Variants in ARHGAP24 observed in about 807,000 individuals in gnomAD.
ARHGAP24 encodes the protein Rho GTPase activating protein 24.
ARHGAP24 carries 50 observed loss-of-function variants against 76.4 expected under a neutral mutation model. That is an observed-to-expected ratio of 0.65 (90% CI 0.52 to 0.83). The LOEUF is 0.83. Among genes scored for constraint, ARHGAP24 ranks in the 40% least tolerant of loss-of-function variants. The pLI is 0.00. For missense variants in ARHGAP24, 930 were observed against 914.2 expected (o/e 1.02, Z -0.22); for synonymous variants, 345 against 323.3 (o/e 1.07, Z -0.72).
In ARHGAP24 at chr4:85,942,000, A is replaced by T. The variant is rs148081900; in HGVS notation, c.392-66A>T. On this transcript the variant is annotated intron_variant, in intron 4 of 9. Coordinates refer to ENST00000395184, the MANE Select transcript of ARHGAP24 (RefSeq NM_001025616.3). ...TGTTTTTCTGTTATATTGAATTAAA[A>T]CAACAACAACAACAAAGTGGGAAGA... is the stretch of plus-strand genomic sequence containing the variant. The T allele has an allele frequency of 2.6e-4, 385 of 1,471,812 alleles. 1 individual carries two copies. The East Asian group carries it at 8.4e-3, about 32-fold the overall frequency. 91.2% of individuals were successfully genotyped at this position (1,471,812 alleles called of 1,614,324 possible).
At chr4:85,845,752 A>C (rs999618538) in intron 3 of ARHGAP24, among the ~76,000 whole-genome samples, 1 of 152,206 alleles carries the variant, frequency 6.6e-6, no homozygotes, top group African/African-American at 2.4e-5. Context: ...GTTAAAAATA[A>C]AGTAAAATAA....
intron 3 of ARHGAP24, among the ~76,000 whole-genome samples, chr4:85,887,810 G>A (rs10032626): frequency 0.52 from 78,731 of 151,888 alleles, 21,238 homozygotes; most frequent in East Asian, 0.69. Flanking sequence ...GACAAGTGAG[G>A]TCATAGGTAA....
At chr4:85,764,884 C>T (rs1035010106) in intron 3 of ARHGAP24, among the ~76,000 whole-genome samples, 2 of 152,004 alleles carry the variant, frequency 1.3e-5, no homozygotes, top group Non-Finnish European at 2.9e-5. Flanking sequence ...ACTAATTCTG[C>T]CTGTGTTTAT....
intron 7 of ARHGAP24, chr4:85,975,784 G>A (rs903684231): frequency 9.8e-5 from 15 of 152,328 alleles, no homozygotes; most frequent in African/African-American, 3.4e-4. Context: ...CATCATTTAT[G>A]TGTGTGTTTG....
intron 3 of ARHGAP24, among the ~76,000 whole-genome samples, chr4:85,847,898 G>A (rs1730976433): frequency 6.6e-6 from 1 of 152,062 alleles, no homozygotes. Flanking sequence ...ATCTCATCCA[G>A]TAATGCATCC....
intron 3 of ARHGAP24, among the ~76,000 whole-genome samples, chr4:85,847,669 A>G (rs1022113337): frequency 1.3e-5 from 2 of 152,156 alleles, no homozygotes; most frequent in Admixed American, 6.5e-5. Flanking sequence ...GTCCTATTTG[A>G]GGAACTGCAA....
intron 3 of ARHGAP24, among the ~76,000 whole-genome samples, chr4:85,904,407 T>A (rs556338512): frequency 4.6e-4 from 70 of 152,338 alleles, no homozygotes; most frequent in Non-Finnish European, 9.4e-4. Context: ...TTGTCAGATA[T>A]CTGCGCCCAT....
chr4:85,835,672 C>A (rs1730243512), intron 3 of ARHGAP24, among the ~76,000 whole-genome samples: 1 of 151,506 alleles, frequency 6.6e-6, no homozygotes, highest in African/African-American at 2.4e-5. Context: ...AATGTGATAA[C>A]GATTTGTATT....
intron 4 of ARHGAP24, among the ~76,000 whole-genome samples, chr4:85,925,768 T>C (rs1735987634): frequency 6.6e-6 from 1 of 152,196 alleles, no homozygotes; most frequent in African/African-American, 2.4e-5. Flanking sequence ...TTATCCCCTA[T>C]GGATGAGTGG....
At chr4:85,504,305 T>C (rs1560511748) in intron 1 of ARHGAP24, among the ~76,000 whole-genome samples, 1 of 152,178 alleles carries the variant, frequency 6.6e-6, no homozygotes, top group Non-Finnish European at 1.5e-5. Context: ...CTGTCTAATA[T>C]CGACAGTGGG....
intron 4 of ARHGAP24, among the ~76,000 whole-genome samples, chr4:85,939,653 C>G (rs138562887): frequency 2.0e-5 from 3 of 152,118 alleles, no homozygotes; most frequent in Non-Finnish European, 4.4e-5. Flanking sequence ...AAACCGAATT[C>G]ACGTCTAAAG....
chr4:85,656,683 G>T (rs1258169797), intron 2 of ARHGAP24, among the ~76,000 whole-genome samples: 1 of 151,962 alleles, frequency 6.6e-6, no homozygotes, highest in Non-Finnish European at 1.5e-5. Flanking sequence ...GGCCAGGATG[G>T]TCTCGATCTC....
intron 5 of ARHGAP24, among the ~76,000 whole-genome samples, chr4:85,946,621 G>T (rs1737283003): frequency 6.6e-6 from 1 of 152,144 alleles, no homozygotes; most frequent in African/African-American, 2.4e-5. Flanking sequence ...TTAGGATAAT[G>T]GTTTCCAGCT....
At chr4:85,551,040 C>A (rs1050764193) in intron 1 of ARHGAP24, among the ~76,000 whole-genome samples, 1 of 152,150 alleles carries the variant, frequency 6.6e-6, no homozygotes, top group Non-Finnish European at 1.5e-5. Flanking sequence ...TGCCTGATTT[C>A]TCTGACCAAG....
chr4:85,623,514 T>C (rs1720803034), intron 2 of ARHGAP24, among the ~76,000 whole-genome samples: 1 of 152,222 alleles, frequency 6.6e-6, no homozygotes, highest in Admixed American at 6.5e-5. Flanking sequence ...TAGTTTGAAG[T>C]CAGGTAGGGT....
intron 2 of ARHGAP24, among the ~76,000 whole-genome samples, chr4:85,665,067 C>G (rs1483293872): frequency 6.6e-6 from 1 of 152,016 alleles, no homozygotes; most frequent in Non-Finnish European, 1.5e-5. Flanking sequence ...CCTGGATATC[C>G]TTGTTAACTT....
intron 1 of ARHGAP24, among the ~76,000 whole-genome samples, chr4:85,483,669 G>T (rs910119477): frequency 1.3e-5 from 2 of 151,836 alleles, no homozygotes; most frequent in Non-Finnish European, 2.9e-5. Flanking sequence ...AATAAAAATT[G>T]TTTCATATGT....
At chr4:85,681,084 T>C (rs1229664990) in intron 2 of ARHGAP24, among the ~76,000 whole-genome samples, 3 of 152,158 alleles carry the variant, frequency 2.0e-5, no homozygotes, top group Non-Finnish European at 2.9e-5. Context: ...AGCCTTAAAA[T>C]ATGCAGAAAA....
chr4:85,706,286 A>G (rs970585097), intron 2 of ARHGAP24, among the ~76,000 whole-genome samples: 4 of 152,236 alleles, frequency 2.6e-5, no homozygotes, highest in Non-Finnish European at 5.9e-5. Context: ...CATATTGTAA[A>G]GCAATTTAAT....
Sources: allele counts gnomAD v4.1 joint callset (sites outside exome capture counted in the v4.1 genomes callset), GRCh38; gene constraint gnomAD v4.1.1; transcripts MANE v1.5; gene names NCBI Gene and HGNC (gene_info 2026-07-23, HGNC 2026-07-21).